The following COMTD1 variants were observed in gnomAD, a reference collection of about 807,000 sequenced individuals.
The protein encoded by COMTD1 is catechol O-methyltransferase domain-containing protein 1.
In COMTD1, 35 loss-of-function variants were observed where a neutral mutation model predicts 33.6. The ratio of observed to expected loss-of-function variants is 1.04; its 90% CI spans 0.80 to 1.38. The LOEUF (loss-of-function observed/expected upper bound fraction) is 1.38. Among genes scored for constraint, COMTD1 ranks in the 40% most tolerant of loss-of-function variants. The probability of loss-of-function intolerance (pLI) is 0.00; values close to 1 mark genes in which losing one functional copy is unlikely to be tolerated. For missense variants in COMTD1, 370 were observed against 363.4 expected, an observed-to-expected ratio of 1.02 and a Z score of -0.15; for synonymous variants, 160 against 176.8, an observed-to-expected ratio of 0.91 and a Z score of 0.75.
chr10:75,235,242 CG>C, intron 3 of COMTD1, 24 bp downstream of exon 3: 1 of 1,494,446 alleles, frequency 6.7e-7, no homozygotes, highest in Non-Finnish European at 8.9e-7. Flanking sequence ...CTCGGCCCTC[CG>C]GGATCCCGGC....
intron 5 of COMTD1, 25 bp from the exon 6 acceptor site, chr10:75,234,768 G>A (rs1296574390): frequency 6.4e-7 from 1 of 1,562,296 alleles, no homozygotes; most frequent in East Asian, 2.4e-5. Flanking sequence ...GAGGGCAGGT[G>A]CGGCTGAGTC....
Position 75,235,124 on chromosome 10 carries a change from C to T in COMTD1, c.383G>A (p.Gly128Glu). 3 of 1,402,396 alleles carry T rather than the reference C, an allele frequency of 2.1e-6. No homozygotes were observed. The highest frequency in any genetic ancestry group is 2.8e-6 in the Non-Finnish European group (3 of 1,085,100). The allele number at this position is 1,402,396 out of a possible 1,614,324, so 86.9% of individuals were successfully genotyped here. A position where few individuals can be genotyped will look rare whatever the true frequency, so the allele number is the denominator to read the frequency against. The change falls in exon 4 of 7, where the codon GGG becomes GAG. Residue 128 changes from glycine to glutamate, a missense_variant. Transcript: ENST00000372538. Reference sequence around the variant, plus strand: ...GTCCACCTCGCAGGTCACCACGCGCCCGTCCGCGGGCAGCGCCAGGGCCAG... The same window carrying T: ...GTCCACCTCGCAGGTCACCACGCGCTCGTCCGCGGGCAGCGCCAGGGCCAG... ...LALALALPAD[G>E]RVVTCEVDAQ...
At chr10:75,234,410 G>T in intron 6 of COMTD1, 185 bp from the exon 7 acceptor site, 1 of 1,041,792 alleles carries the variant, frequency 9.6e-7, no homozygotes, top group Non-Finnish European at 1.4e-6. Flanking sequence ...CTCGGAGGGA[G>T]GTGCCCGGGC....
intron 2 of COMTD1, 45 bp from the exon 3 acceptor site, chr10:75,235,417 C>T: frequency 2.8e-6 from 4 of 1,433,008 alleles, no homozygotes; most frequent in Non-Finnish European, 2.8e-6. Context: ...GGTCACCCAC[C>T]TTCGCCCTGG....
rs1172861563 is a variant in COMTD1, at chr10:75,234,931, T to C, written c.502+7A>G. The C allele has an allele frequency of 8.5e-6, 13 of 1,533,372 alleles. No homozygotes were observed. Among genetic ancestry groups the C allele is most frequent in the Non-Finnish European group, 1.1e-5 (12 of 1,141,664 alleles). The allele number at this position is 1,533,372 out of a possible 1,614,324, so 95.0% of individuals were successfully genotyped here. On this transcript the variant is annotated splice_region_variant and intron_variant, in intron 5 of 6. Coordinates refer to ENST00000372538, the MANE Select transcript of COMTD1 (RefSeq NM_144589.4). ...GGCTTCAAAGCCCTTCCCGCTTCGGTGCTCACCCAGGGTCTCCAAGGCGGG... is the reference window on the plus strand; with the variant it reads ...GGCTTCAAAGCCCTTCCCGCTTCGGCGCTCACCCAGGGTCTCCAAGGCGGG...
Position 75,233,872 on chromosome 10 carries a change from G to T in COMTD1, c.*201C>A. 1 of 1,363,624 alleles carries T rather than the reference G, an allele frequency of 7.3e-7. No homozygotes were observed. Among genetic ancestry groups the T allele is most frequent in the Non-Finnish European group, 9.7e-7 (1 of 1,035,010 alleles). 84.5% of individuals were successfully genotyped at this position (1,363,624 alleles called of 1,614,324 possible). A position where few individuals can be genotyped will look rare whatever the true frequency, so the allele number is the denominator to read the frequency against. On this transcript the variant is annotated 3_prime_UTR_variant, in exon 7 of 7. Transcript: ENST00000372538. ...GGGCCACAGACCTGGCGCCAGGGAG[G>T]GGACGAATCTCAAGGCCCCTTTCAC...
chr10:75,233,816 T>C lies in COMTD1; in HGVS notation c.*257A>G. On this transcript the variant is annotated 3_prime_UTR_variant, in exon 7 of 7. Coordinates refer to ENST00000372538, the MANE Select transcript of COMTD1 (RefSeq NM_144589.4). ...CCAGGCCAGTTAAAACTTTATAACC[T>C]GCCTCCTGCCAGCTGGAGGTTCCTG... is the stretch of plus-strand genomic sequence containing the variant. 1.2e-6 allele frequency: 1 copy of C among 845,668 alleles called. No individual in the cohort carries two copies. Among genetic ancestry groups the C allele is most frequent in the Non-Finnish European group, 1.7e-6 (1 of 577,150 alleles). 52.4% of individuals were successfully genotyped at this position (845,668 alleles called of 1,614,324 possible). A position where few individuals can be genotyped will look rare whatever the true frequency, so the allele number is the denominator to read the frequency against.
In COMTD1 at chr10:75,234,669, C is replaced by A; in HGVS notation, c.577G>T (p.Ala193Ser). ...AGCTGCAGGCAGCGCTCGTAGTAGG[C>A]GGAGCAGTTCTCCTTGTCCGCATCC... ...VVDADKENCS[A>S]YYERCLQLLR... The change falls in exon 6 of 7, where the codon GCC (alanine) becomes TCC (serine). Residue 193 changes from alanine (A) to serine (S), a missense_variant. Physicochemically the swap from Ala to Ser is moderately conservative, Grantham distance 99. Coordinates refer to ENST00000372538, the MANE Select transcript of COMTD1 (RefSeq NM_144589.4). The A allele has an allele frequency of 6.3e-7, 1 of 1,581,478 alleles. No individual in the cohort carries two copies. The highest frequency in any genetic ancestry group is 8.6e-7 in the Non-Finnish European group (1 of 1,164,358).
intron 1 of COMTD1, 38 bp downstream of exon 1, chr10:75,235,797 G>GGCCC: frequency 6.5e-7 from 1 of 1,538,644 alleles, no homozygotes; most frequent in Non-Finnish European, 8.8e-7. Context: ...CCTACTCTGC[G>GGCCC]CCCGCCCACC....
intron 6 of COMTD1, 191 bp downstream of exon 6, chr10:75,234,419 G>A: frequency 9.4e-7 from 1 of 1,068,492 alleles, no homozygotes; most frequent in Non-Finnish European, 1.3e-6. Context: ...AGGTGCCCGG[G>A]CAGGAGGTGA....
In COMTD1 at chr10:75,233,825, C is replaced by A; in HGVS notation, c.*248G>T. The stretch of plus-strand genomic sequence containing the variant: ...TTAAAACTTTATAACCTGCCTCCTG[C>A]CAGCTGGAGGTTCCTGCAGTTGGGC... On this transcript the variant is annotated 3_prime_UTR_variant, in exon 7 of 7. Transcript: ENST00000372538. The A allele has an allele frequency of 1.1e-6, 1 of 937,538 alleles. No individual in the cohort carries two copies. Among genetic ancestry groups the A allele is most frequent in the Non-Finnish European group, 1.5e-6 (1 of 657,462 alleles). The allele number at this position is 937,538 out of a possible 1,614,324, so 58.1% of individuals were successfully genotyped here.
chr10:75,234,965 G>A lies in COMTD1; in HGVS notation c.475C>T (p.Arg159Trp). ...QAEAEHKIDLRLKPALETLDE... is the reference protein window; with the variant it reads ...QAEAEHKIDLWLKPALETLDE... The stretch of plus-strand genomic sequence containing the variant: ...AGGGTCTCCAAGGCGGGCTTCAGCC[G>A]GAGGTCGATCTTGTGCTCCGCCTCG... The change falls in exon 5 of 7, where the codon CGG becomes TGG. Residue 159 changes from arginine (R) to tryptophan (W), a missense_variant. Coordinates refer to ENST00000372538, the MANE Select transcript of COMTD1 (RefSeq NM_144589.4). The A allele has an allele frequency of 1.3e-6, 2 of 1,526,902 alleles. No homozygotes were observed. Among genetic ancestry groups the A allele is most frequent in the Non-Finnish European group, 1.8e-6 (2 of 1,139,616 alleles). 94.6% of individuals were successfully genotyped at this position (1,526,902 alleles called of 1,614,324 possible). A position where few individuals can be genotyped will look rare whatever the true frequency, so the allele number is the denominator to read the frequency against.
Position 75,235,641 on chromosome 10 carries a change from T to TGCTC in COMTD1, c.193_196dup (p.His66ArgfsTer236). 1 of 1,594,478 alleles carries TGCTC rather than the reference T, an allele frequency of 6.3e-7. No individual in the cohort carries two copies. The highest frequency in any genetic ancestry group is 8.5e-7 in the Non-Finnish European group (1 of 1,172,380). ...CAGCCTCAGGCTTCGCAGCGCCGGGTGCTCCCGCATGGAGCGGCTCAGAAG... is the reference window on the plus strand; with the variant it reads ...CAGCCTCAGGCTTCGCAGCGCCGGGTGCTCGCTCCCGCATGGAGCGGCTCAGAAG... On this transcript the variant is annotated frameshift_variant, in exon 2 of 7. Coordinates refer to ENST00000372538, the MANE Select transcript of COMTD1 (RefSeq NM_144589.4). LOFTEE classifies it high-confidence loss of function.
At chr10:75,235,201 C>T in intron 3 of COMTD1, 23 bp from the exon 4 acceptor site, 2 of 1,445,400 alleles carry the variant, frequency 1.4e-6, no homozygotes, top group Non-Finnish European at 1.8e-6. Flanking sequence ...CACAGACGGG[C>T]TCAGCCCAGA....
rs573613436 is a variant in COMTD1, at chr10:75,235,125, C to A, written c.382G>T (p.Gly128Trp). The change falls in exon 4 of 7, where the codon GGG (glycine) becomes TGG (tryptophan). Residue 128 changes from glycine (G) to tryptophan (W), a missense_variant. Gly to Trp is a radical substitution (Grantham distance 184). Coordinates refer to ENST00000372538, the MANE Select transcript of COMTD1 (RefSeq NM_144589.4). ...TCCACCTCGCAGGTCACCACGCGCC[C>A]GTCCGCGGGCAGCGCCAGGGCCAGG... ...LALALALPAD[G>W]RVVTCEVDAQ... is the part of the protein sequence containing the mutation. 94 of 1,401,100 alleles carry A rather than the reference C, an allele frequency of 6.7e-5. No individual in the cohort carries two copies. The East Asian group carries it at 2.6e-3, about 38-fold the overall frequency. The allele number at this position is 1,401,100 out of a possible 1,614,324, so 86.8% of individuals were successfully genotyped here. A position where few individuals can be genotyped will look rare whatever the true frequency, so the allele number is the denominator to read the frequency against.
intron 6 of COMTD1, 189 bp from the exon 7 acceptor site, chr10:75,234,414 C>T (rs1842156886): frequency 1.9e-6 from 2 of 1,053,874 alleles, no homozygotes; most frequent in South Asian, 1.7e-5. Flanking sequence ...GAGGGAGGTG[C>T]CCGGGCAGGA....
chr10:75,235,278 G>A lies in COMTD1; in HGVS notation c.317C>T (p.Ala106Val), dbSNP rs1312728085. 3.2e-6 allele frequency: 5 copies of A among 1,571,574 alleles called. No homozygotes were observed. The highest frequency in any genetic ancestry group is 4.3e-6 in the Non-Finnish European group (5 of 1,162,384). ...CCGCGTGCCCCTACCCAGGTCCAGCGCCTTCTTGGCCTGGATGAGCCGCGC... is the reference window on the plus strand; with the variant it reads ...CCGCGTGCCCCTACCCAGGTCCAGCACCTTCTTGGCCTGGATGAGCCGCGC... ...NLARLIQAKK[A>V]LDLGTFTGYS... The change falls in exon 3 of 7, where the codon GCG (alanine) becomes GTG (valine). Residue 106 changes from alanine (A) to valine (V), a missense_variant. Coordinates refer to ENST00000372538, the MANE Select transcript of COMTD1 (RefSeq NM_144589.4).
Position 75,234,217 on chromosome 10 carries a change from C to T in COMTD1, c.645G>A (p.Trp215Ter). ...GGILAVLRVL[W>*]RGKVLQPPKG... ...TCGGAGGTTGCAGCACCTTCCCGCG[C>T]CACAGGACCTGCGGGAGGGCGGGGC... The change falls in exon 7 of 7, where the codon TGG becomes TGA. Residue 215 changes from tryptophan (W) to a stop codon, truncating the protein, a stop_gained. Transcript: ENST00000372538. LOFTEE classifies it high-confidence loss of function. The T allele has an allele frequency of 3.1e-6, 5 of 1,611,250 alleles. No individual in the cohort carries two copies. The highest frequency in any genetic ancestry group is 4.2e-6 in the Non-Finnish European group (5 of 1,179,564).
In COMTD1 at chr10:75,235,856, A is replaced by C; in HGVS notation, c.73T>G (p.Phe25Val). ...TCACCCAGGAAGAGGCCAGTGGCGA[A>C]GGCGGCGCCCAGTGCGGCTGAGCCC... ...ALGSAALGAA[F>V]ATGLFLGRRC... Residue 25 changes from phenylalanine to valine, a missense_variant, in exon 1 of 7, where the codon TTC becomes GTC. Phe to Val is a conservative substitution (Grantham distance 50). Coordinates refer to ENST00000372538, the MANE Select transcript of COMTD1 (RefSeq NM_144589.4). 1.3e-6 allele frequency: 2 copies of C among 1,520,468 alleles called. No homozygotes were observed. The highest frequency in any genetic ancestry group is 1.4e-5 in the African/African-American group (1 of 70,840). The allele number at this position is 1,520,468 out of a possible 1,614,324, so 94.2% of individuals were successfully genotyped here.
Sources: allele counts gnomAD v4.1 joint callset, GRCh38; gene constraint gnomAD v4.1.1; transcripts MANE v1.5; gene names NCBI Gene and HGNC (gene_info 2026-07-23, HGNC 2026-07-21).